Variants in MLLT3 observed in about 807,000 individuals in gnomAD.
The protein encoded by MLLT3 is MLLT3 super elongation complex subunit, also known as protein AF-9.
MLLT3 carries 4 observed loss-of-function variants against 53.2 expected under a neutral mutation model. The ratio of observed to expected loss-of-function variants is 0.08; its 90% confidence interval spans 0.04 to 0.17. The LOEUF (loss-of-function observed/expected upper bound fraction) is 0.17. MLLT3 is among the 10% of genes least tolerant of loss of function. The probability of loss-of-function intolerance (pLI) is 1.00; values close to 1 mark genes in which losing one functional copy is unlikely to be tolerated. For missense variants in MLLT3, 569 were observed against 684.0 expected, an observed-to-expected ratio of 0.83 and a Z score of 1.87; for synonymous variants, 283 against 230.6, an observed-to-expected ratio of 1.23 and a Z score of -2.06.
chr9:20,518,500 A>G (rs752203207), intron 2 of MLLT3, among the ~76,000 whole-genome samples: 9 of 152,232 alleles, frequency 5.9e-5, no homozygotes, highest in Admixed American at 1.3e-4. Context: ...GGAAACAAAA[A>G]TAAGTGGGCA....
At chr9:20,530,138 C>T (rs1537071) in intron 2 of MLLT3, among the ~76,000 whole-genome samples, 52,238 of 152,026 alleles carry the variant, frequency 0.34, 9,668 homozygotes, top group East Asian at 0.51. Flanking sequence ...TGCTTAGAAA[C>T]GCCATGTTTT....
At chr9:20,417,815 G>A (rs1822909086) in intron 4 of MLLT3, among the ~76,000 whole-genome samples, 1 of 152,156 alleles carries the variant, frequency 6.6e-6, no homozygotes, top group African/African-American at 2.4e-5. Context: ...AGCAACTCAA[G>A]TGGAGGACTT....
chr9:20,350,744 G>C, intron 10 of MLLT3, among the ~76,000 whole-genome samples: 1 of 152,174 alleles, frequency 6.6e-6, no homozygotes, highest in Middle Eastern at 3.4e-3. Flanking sequence ...CCTTTCAAGC[G>C]GTACTACGCA....
At chr9:20,471,832 C>A (rs2118889518) in intron 2 of MLLT3, among the ~76,000 whole-genome samples, 1 of 148,960 alleles carries the variant, frequency 6.7e-6, no homozygotes, top group Non-Finnish European at 1.5e-5. Flanking sequence ...TGTCACCTAC[C>A]ATTTTTTTTT....
At chr9:20,480,962 T>C (rs780703832) in intron 2 of MLLT3, among the ~76,000 whole-genome samples, 3 of 152,210 alleles carry the variant, frequency 2.0e-5, no homozygotes, top group Non-Finnish European at 4.4e-5. Flanking sequence ...TCATGAGAAC[T>C]ATAATTTTAA....
At chr9:20,364,482 G>A (rs1821400612) in intron 6 of MLLT3, among the ~76,000 whole-genome samples, 1 of 152,144 alleles carries the variant, frequency 6.6e-6, no homozygotes, top group Admixed American at 6.6e-5. Context: ...AATGAAGAAA[G>A]AGAGACACTT....
At position 20,556,153 on chromosome 9, in the gene MLLT3, A is replaced by C. The variant is rs112986760; in HGVS notation, c.193+64501T>G. ...GTATATATGCAATAGATGAATGTATAAACAGAAATATTTTTATTTTTTATC... is the reference window on the plus strand; with the variant it reads ...GTATATATGCAATAGATGAATGTATCAACAGAAATATTTTTATTTTTTATC... On this transcript the variant is annotated intron_variant, in intron 2 of 10. Coordinates refer to ENST00000380338, the MANE Select transcript of MLLT3 (RefSeq NM_004529.4). 4.6e-5 allele frequency among the ~76,000 whole-genome samples: 7 copies of C among 152,336 alleles called. 1 individual carries two copies. The highest frequency in any genetic ancestry group is 1.4e-4 in the African/African-American group (6 of 41,572).
intron 2 of MLLT3, among the ~76,000 whole-genome samples, chr9:20,521,104 C>T (rs1446332543): frequency 1.3e-5 from 2 of 150,674 alleles, no homozygotes; most frequent in Admixed American, 1.3e-4. Flanking sequence ...GAGAGTCTTG[C>T]TCTGTCACCC....
intron 2 of MLLT3, among the ~76,000 whole-genome samples, chr9:20,541,371 G>GT (rs1818625588): frequency 6.6e-6 from 1 of 152,126 alleles, no homozygotes; most frequent in African/African-American, 2.4e-5. Flanking sequence ...ATGTTAGTCT[G>GT]TTTTTGCACT....
Position 20,521,943 on chromosome 9 carries a change from G to A in MLLT3, c.194-65157C>T, listed in dbSNP as rs75556736. Among the ~76,000 whole-genome samples, 1,239 of 150,708 alleles carry A rather than the reference G, an allele frequency of 8.2e-3. 14 individuals are homozygous for A. Among genetic ancestry groups the A allele is most frequent in the African/African-American group, 0.027 (1,132 of 41,218 alleles). ...AAGAAGAAAACAAGAAATGTAATAG[G>A]AACTAAAGGGAGACAGCACGTGATA... is the stretch of plus-strand genomic sequence containing the variant. On this transcript the variant is annotated intron_variant, in intron 2 of 10. Transcript: ENST00000380338.
At chr9:20,509,990 T>A (rs1172006838) in intron 2 of MLLT3, among the ~76,000 whole-genome samples, 2 of 152,122 alleles carry the variant, frequency 1.3e-5, no homozygotes, top group African/African-American at 2.4e-5. Flanking sequence ...AGCTGAATTA[T>A]GTGAATCAAA....
At position 20,622,396 on chromosome 9, in the gene MLLT3, C is replaced by A; in HGVS notation, c.-140G>T. ...AGGGTAGATGGCGGACATTCTCTGC[C>A]TTTTTCCCCCCGCGCTCGCTTGCTC... On this transcript the variant is annotated 5_prime_UTR_variant, in exon 1 of 11. The change creates a new upstream start codon in the 5' untranslated region. Transcript: ENST00000380338. 1 of 760,998 alleles carries A rather than the reference C, an allele frequency of 1.3e-6. No individual in the cohort carries two copies. The allele number at this position is 760,998 out of a possible 1,614,324, so 47.1% of individuals were successfully genotyped here.
chr9:20,412,520 T>C (rs1822754926), intron 5 of MLLT3, among the ~76,000 whole-genome samples: 2 of 152,204 alleles, frequency 1.3e-5, no homozygotes, highest in African/African-American at 4.8e-5. Context: ...GTCCTGACCC[T>C]GACTGGCTTT....
At chr9:20,526,118 G>A (rs950663100) in intron 2 of MLLT3, among the ~76,000 whole-genome samples, 11 of 152,182 alleles carry the variant, frequency 7.2e-5, no homozygotes, top group Admixed American at 2.6e-4. Flanking sequence ...ACCAAAAGAT[G>A]TGTTCATTAG....
At chr9:20,486,655 AC>A (rs1189466802) in intron 2 of MLLT3, among the ~76,000 whole-genome samples, 2 of 152,200 alleles carry the variant, frequency 1.3e-5, no homozygotes, top group East Asian at 3.9e-4. Context: ...AATTGGTATC[AC>A]CTCTTTGGAA....
intron 5 of MLLT3, among the ~76,000 whole-genome samples, chr9:20,403,805 G>C (rs1000987383): frequency 1.3e-5 from 2 of 152,046 alleles, no homozygotes; most frequent in African/African-American, 4.8e-5. Context: ...GAGTAGAATT[G>C]ATCAGATACT....
chr9:20,375,118 T>C (rs986524773), intron 5 of MLLT3, among the ~76,000 whole-genome samples: 8 of 152,352 alleles, frequency 5.3e-5, no homozygotes, highest in Admixed American at 2.0e-4. Flanking sequence ...TAAATTGCTG[T>C]TGCTTAAGAC....
At chr9:20,445,310 G>A (rs1309710130) in intron 4 of MLLT3, among the ~76,000 whole-genome samples, 1 of 152,098 alleles carries the variant, frequency 6.6e-6, no homozygotes, top group Admixed American at 6.5e-5. Flanking sequence ...ATATTAGGGA[G>A]CCATGTCACA....
intron 2 of MLLT3, among the ~76,000 whole-genome samples, chr9:20,564,047 C>A (rs1819286791): frequency 6.6e-6 from 1 of 152,138 alleles, no homozygotes; most frequent in African/African-American, 2.4e-5. Context: ...AAAAATGAGA[C>A]ACTGACTAAT....
Sources: gnomAD v4.1 joint callset for allele counts (sites outside exome capture counted in the v4.1 genomes callset) on GRCh38, gnomAD v4.1.1 for gene constraint, MANE v1.5 for transcripts, NCBI Gene and HGNC (gene_info 2026-07-23, HGNC 2026-07-21) for gene names.